The following PPP1R9A variants were observed in gnomAD, a reference collection of about 807,000 sequenced individuals.
The protein encoded by PPP1R9A is neurabin-1.
In PPP1R9A, 59 loss-of-function variants were observed where a neutral mutation model predicts 141.9. The observed-to-expected ratio is 0.42, with a 90% CI of 0.34 to 0.52. The LOEUF is 0.52. Ranked by LOEUF, PPP1R9A falls within the 20% of genes least tolerant of loss-of-function variation. The pLI, the probability that PPP1R9A is intolerant of heterozygous loss-of-function variation, is 0.10. For synonymous variants in PPP1R9A, 500 were observed against 569.7 expected, an observed-to-expected ratio of 0.88 and a Z score of 1.74; for missense variants, 1,444 against 1,611.9, an observed-to-expected ratio of 0.90 and a Z score of 1.78.
intron 2 of PPP1R9A, among the ~76,000 whole-genome samples, chr7:95,111,054 T>A (rs1259296874): frequency 6.6e-6 from 1 of 152,214 alleles, no homozygotes; most frequent in Non-Finnish European, 1.5e-5. Context: ...TTAAAAGTGG[T>A]ACTATCGCTT....
chr7:95,123,750 G>C (rs1051375488), intron 4 of PPP1R9A, among the ~76,000 whole-genome samples: 1 of 152,096 alleles, frequency 6.6e-6, no homozygotes, highest in Non-Finnish European at 1.5e-5. Context: ...TTATCATCTG[G>C]GGATATTCAA....
chr7:95,019,180 A>G (rs11974780), intron 2 of PPP1R9A, among the ~76,000 whole-genome samples: 3,970 of 152,242 alleles, frequency 0.026, 168 homozygotes, highest in African/African-American at 0.09. Context: ...AGATCACTTG[A>G]GGTTAGGAGT....
chr7:95,019,250 T>A (rs568145073), intron 2 of PPP1R9A, among the ~76,000 whole-genome samples: 1 of 151,986 alleles, frequency 6.6e-6, no homozygotes, highest in East Asian at 1.9e-4. Context: ...CAAAAATTAG[T>A]TGGGTGTGGT....
Position 95,296,376 on chromosome 7 carries a change from C to T in PPP1R9A, c.*6073C>T, listed in dbSNP as rs542732382. On this transcript the variant is annotated 3_prime_UTR_variant, in exon 20 of 20. Coordinates refer to ENST00000433360, the MANE Select transcript of PPP1R9A (RefSeq NM_001166160.2). ...AATGAGTATTATTGTTGTTAGACAACGAATGCAATAAAAAGAAATACTGAG... is the reference window on the plus strand; with the variant it reads ...AATGAGTATTATTGTTGTTAGACAATGAATGCAATAAAAAGAAATACTGAG... The T allele has an allele frequency of 6.6e-6, 1 of 152,500 alleles. No individual in the cohort carries two copies. The highest frequency in any genetic ancestry group is 1.5e-5 in the Non-Finnish European group (1 of 68,012). 9.4% of individuals were successfully genotyped at this position (152,500 alleles called of 1,614,324 possible). A position where few individuals can be genotyped will look rare whatever the true frequency, so the allele number is the denominator to read the frequency against.
intron 5 of PPP1R9A, among the ~76,000 whole-genome samples, chr7:95,181,504 T>G (rs952622282): frequency 8.7e-5 from 12 of 137,372 alleles, no homozygotes; most frequent in Admixed American, 2.3e-4. Context: ...AGAATATATA[T>G]AGAGAATATA....
intron 2 of PPP1R9A, among the ~76,000 whole-genome samples, chr7:94,992,064 A>G (rs73726029): frequency 0.021 from 3,148 of 152,350 alleles, 125 homozygotes; most frequent in African/African-American, 0.073. Flanking sequence ...AAGTTTAAAC[A>G]TAATGTATAC....
At chr7:94,932,780 T>G (rs1794314592) in intron 2 of PPP1R9A, among the ~76,000 whole-genome samples, 1 of 150,964 alleles carries the variant, frequency 6.6e-6, no homozygotes, top group Admixed American at 6.6e-5. Context: ...TTTTTTTTTT[T>G]TTTTGGTCAG....
At chr7:95,045,396 C>CA (rs1259552217) in intron 2 of PPP1R9A, among the ~76,000 whole-genome samples, 10 of 152,180 alleles carry the variant, frequency 6.6e-5, no homozygotes, top group Admixed American at 2.0e-4. Flanking sequence ...TACCTTTTCC[C>CA]ATCTCTTAGG....
At chr7:94,979,762 A>C (rs1159401122) in intron 2 of PPP1R9A, among the ~76,000 whole-genome samples, 1 of 152,220 alleles carries the variant, frequency 6.6e-6, no homozygotes, top group East Asian at 1.9e-4. Flanking sequence ...GTAACTGTGC[A>C]GATGTCTCCT....
intron 2 of PPP1R9A, among the ~76,000 whole-genome samples, chr7:94,998,513 A>T (rs1418460594): frequency 1.3e-5 from 2 of 152,038 alleles, no homozygotes; most frequent in African/African-American, 4.8e-5. Context: ...GATTTTTTTT[A>T]AAAGGTCTCT....
chr7:95,226,517 C>T (rs1218515186), intron 8 of PPP1R9A, among the ~76,000 whole-genome samples: 1 of 151,980 alleles, frequency 6.6e-6, no homozygotes, highest in Non-Finnish European at 1.5e-5. Flanking sequence ...GATGGCATAC[C>T]CAAAGGGTTT....
At chr7:94,955,488 C>T (rs914406835) in intron 2 of PPP1R9A, among the ~76,000 whole-genome samples, 1 of 151,716 alleles carries the variant, frequency 6.6e-6, no homozygotes, top group South Asian at 2.1e-4. Flanking sequence ...TCTTTTTATT[C>T]CCACTGGATA....
rs1791373831 is a variant in PPP1R9A at position 94,910,902 on chromosome 7, G to A, written c.789G>A (p.Lys263=). ...KDSNSWPPSN[K]RGVDTEDAHK... ...CTAATTCCTGGCCTCCTTCAAACAA[G>A]CGAGGTGTTGATACAGAGGATGCTC... is the stretch of plus-strand genomic sequence containing the variant. The change falls in exon 2 of 20, where the codon AAG becomes AAA. Residue 263 remains lysine, a synonymous_variant. Transcript: ENST00000433360. The surrounding 1 kb of genome is among the most constrained non-coding windows in gnomAD (Gnocchi z 4.5). The A allele has an allele frequency of 8.7e-6, 14 of 1,613,912 alleles. No homozygotes were observed. Among genetic ancestry groups the A allele is most frequent in the African/African-American group, 1.3e-5 (1 of 74,912 alleles).
At chr7:95,233,722 CAAAAAA>C (rs1796294864) in intron 8 of PPP1R9A, among the ~76,000 whole-genome samples, 1 of 151,708 alleles carries the variant, frequency 6.6e-6, no homozygotes, top group Admixed American at 6.6e-5. Flanking sequence ...AGGGACATAA[CAAAAAA>C]AGAAAACTAC....
chr7:95,278,743 A>G (rs1170512400), intron 16 of PPP1R9A, among the ~76,000 whole-genome samples: 2 of 152,248 alleles, frequency 1.3e-5, no homozygotes, highest in African/African-American at 4.8e-5. Flanking sequence ...AAAATACAAC[A>G]TCTTCAATAA....
At chr7:94,922,253 T>C (rs1792941595) in intron 2 of PPP1R9A, among the ~76,000 whole-genome samples, 1 of 151,992 alleles carries the variant, frequency 6.6e-6, no homozygotes, top group African/African-American at 2.4e-5. Flanking sequence ...CAGCACTGCA[T>C]TGGAATAGTT....
chr7:94,937,878 C>G (rs1366829735), intron 2 of PPP1R9A, among the ~76,000 whole-genome samples: 1 of 152,096 alleles, frequency 6.6e-6, no homozygotes. Flanking sequence ...ACTGGAAAGG[C>G]TAATGGAGGT....
intron 4 of PPP1R9A, among the ~76,000 whole-genome samples, chr7:95,144,410 G>GT (rs201067631): frequency 2.0e-4 from 30 of 151,236 alleles, no homozygotes; most frequent in East Asian, 1.2e-3. Flanking sequence ...CAGACACTGG[G>GT]TTTTTTTTTC....
intron 8 of PPP1R9A, 134 bp from the exon 9 acceptor site, chr7:95,247,334 CTTTAA>C: frequency 1.7e-6 from 1 of 602,616 alleles, no homozygotes; most frequent in East Asian, 2.8e-5. Context: ...ACAGTAGACA[CTTTAA>C]TTTACAACTT....
Sources: gnomAD v4.1 joint callset for allele counts (sites outside exome capture counted in the v4.1 genomes callset) on GRCh38, gnomAD v4.1.1 for gene constraint, Gnocchi (gnomAD v3.1) non-coding constraint, MANE v1.5 for transcripts, NCBI Gene and HGNC (gene_info 2026-07-23, HGNC 2026-07-21) for gene names.